Variants in SRSF11 observed in about 807,000 individuals in gnomAD.
SRSF11 encodes serine/arginine-rich splicing factor 11.
SRSF11 carries 9 observed loss-of-function variants against 56.0 expected under a neutral mutation model. The observed-to-expected ratio is 0.16, with a 90% CI of 0.10 to 0.28. The LOEUF is 0.28. Ranked by LOEUF, SRSF11 falls within the 10% of genes least tolerant of loss-of-function variation. The pLI, the probability that SRSF11 is intolerant of heterozygous loss-of-function variation, is 1.00. For missense variants in SRSF11, 421 were observed against 600.7 expected, an observed-to-expected ratio of 0.70 and a Z score of 3.13; for synonymous variants, 222 against 215.3, an observed-to-expected ratio of 1.03 and a Z score of -0.27.
chr1:70,239,191 A>G (rs1674767110), intron 6 of SRSF11, among the ~76,000 whole-genome samples: 1 of 152,154 alleles, frequency 6.6e-6, no homozygotes, highest in African/African-American at 2.4e-5. Context: ...TCCAGGCTCA[A>G]GCAATCCTCC....
chr1:70,250,266 G>C, intron 10 of SRSF11, 99 bp from the exon 11 acceptor site: 2 of 1,535,768 alleles, frequency 1.3e-6, no homozygotes, highest in South Asian at 2.6e-5. Context: ...AGGTTTTGAA[G>C]TTGGATCTTT....
upstream of SRSF11, among the ~76,000 whole-genome samples, chr1:70,219,155 A>G (rs1670283231): frequency 6.6e-6 from 1 of 152,202 alleles, no homozygotes; most frequent in Non-Finnish European, 1.5e-5. Flanking sequence ...ATATTCCAAA[A>G]TCTTTTTTAA....
intron 8 of SRSF11, among the ~76,000 whole-genome samples, chr1:70,245,676 A>C (rs533405818): frequency 3.9e-5 from 6 of 152,196 alleles, no homozygotes; most frequent in Non-Finnish European, 5.9e-5. Flanking sequence ...ACTCAACGGG[A>C]GGCATGCTTT....
At chr1:70,247,553 A>T (rs1347998582) in intron 9 of SRSF11, among the ~76,000 whole-genome samples, 1 of 152,108 alleles carries the variant, frequency 6.6e-6, no homozygotes, top group East Asian at 1.9e-4. Context: ...TATAAAAAAA[A>T]ATAACTGAAA....
chr1:70,229,574 TG>T, intron 2 of SRSF11: 1 of 984,940 alleles, frequency 1.0e-6, no homozygotes, highest in Non-Finnish European at 1.2e-6. Flanking sequence ...ATGATAAAAC[TG>T]CTGGATTTTA....
intron 3 of SRSF11, among the ~76,000 whole-genome samples, chr1:70,234,450 C>T (rs1406951446): frequency 6.6e-6 from 1 of 152,008 alleles, no homozygotes; most frequent in Non-Finnish European, 1.5e-5. Context: ...TCATATAGAG[C>T]AAGACTCCTA....
At chr1:70,227,353 T>C (rs1005380613) in intron 1 of SRSF11, among the ~76,000 whole-genome samples, 5 of 152,140 alleles carry the variant, frequency 3.3e-5, no homozygotes, top group African/African-American at 7.2e-5. Context: ...GTAAGTGTTA[T>C]ATTGATGTTA....
chr1:70,219,760 T>C (rs1670345930), upstream of SRSF11, among the ~76,000 whole-genome samples: 1 of 152,240 alleles, frequency 6.6e-6, no homozygotes, highest in Non-Finnish European at 1.5e-5. Flanking sequence ...GTAATTTTGC[T>C]GAGGCTCACA....
chr1:70,239,352 A>G lies in SRSF11; in HGVS notation c.719-87A>G, dbSNP rs138446832. On this transcript the variant is annotated intron_variant, in intron 6 of 11. Coordinates refer to ENST00000370949, the MANE Select transcript of SRSF11 (RefSeq NM_001350605.2). ...AGTGTTGCTCCCACTTCAGCCTCTC[A>G]TAGTGCTGTGATTACAGGCATGAGC... 3.4e-6 allele frequency: 3 copies of G among 885,368 alleles called. No individual in the cohort carries two copies. In the African/African-American group the frequency reaches 5.1e-5, roughly 15 times the overall value. 54.8% of individuals were successfully genotyped at this position (885,368 alleles called of 1,614,324 possible). A position where few individuals can be genotyped will look rare whatever the true frequency, so the allele number is the denominator to read the frequency against.
chr1:70,229,321 A>G (rs1672438952), intron 2 of SRSF11: 3 of 1,276,864 alleles, frequency 2.3e-6, no homozygotes, highest in Non-Finnish European at 3.1e-6. Flanking sequence ...AAGTGCCCCA[A>G]GTGTTTTCCT....
In SRSF11 at chr1:70,250,743, C is replaced by T. The variant is rs145044552; in HGVS notation, c.1393C>T (p.Leu465=). 2 of 1,614,008 alleles carry T rather than the reference C, an allele frequency of 1.2e-6. No individual in the cohort carries two copies. Among genetic ancestry groups the T allele is most frequent in the African/African-American group, 2.7e-5 (2 of 75,028 alleles). Residue 465 remains leucine (L), a synonymous_variant, in exon 12 of 12, where the codon CTA becomes TTA. Transcript: ENST00000370949. ...TGTGGAAAAGGGAACTGGTGATTCA[C>T]TAAGAGAATCCAAAGTGAATGGGGA... ...CSVEKGTGDS[L]RESKVNGDDH... is the part of the protein sequence containing the mutation.
intron 2 of SRSF11, chr1:70,231,628 C>A: frequency 8.5e-7 from 1 of 1,172,408 alleles, no homozygotes; most frequent in Non-Finnish European, 1.1e-6. Flanking sequence ...ATGCACACAT[C>A]CTGTGTGTAT....
intron 2 of SRSF11, chr1:70,231,599 CTCTT>C (rs1374980504): frequency 4.4e-6 from 5 of 1,132,004 alleles, no homozygotes; most frequent in Admixed American, 4.1e-5. Flanking sequence ...TTACCTATCT[CTCTT>C]TCTCTCTCAC....
At chr1:70,220,610 G>A (rs1275874884), upstream of SRSF11, among the ~76,000 whole-genome samples, 1 of 152,196 alleles carries the variant, frequency 6.6e-6, no homozygotes, top group Non-Finnish European at 1.5e-5. Context: ...AGAACTTTGG[G>A]AGGCCAAGGC....
chr1:70,210,574 G>A (rs1466958867), intron 1 of SRSF11, among the ~76,000 whole-genome samples: 1 of 152,188 alleles, frequency 6.6e-6, no homozygotes, highest in African/African-American at 2.4e-5. Flanking sequence ...TTACCTGGGT[G>A]TGGTGTGGCA....
intron 2 of SRSF11, chr1:70,230,580 G>A: frequency 5.4e-6 from 7 of 1,286,300 alleles, no homozygotes; most frequent in Non-Finnish European, 7.1e-6. Flanking sequence ...TATCAAAGCA[G>A]CAGTAAAAAA....
chr1:70,225,885 T>C (rs1021347847), intron 1 of SRSF11, among the ~76,000 whole-genome samples: 8 of 152,144 alleles, frequency 5.3e-5, no homozygotes, highest in African/African-American at 1.7e-4. Flanking sequence ...AGCACAAAAA[T>C]TAATTTCAGG....
At chr1:70,229,168 A>G (rs1672418454) in intron 2 of SRSF11, 1 of 1,282,056 alleles carries the variant, frequency 7.8e-7, no homozygotes. Flanking sequence ...TCTCTAAATA[A>G]TAAATTCTTC....
In SRSF11 at chr1:70,250,938, T is replaced by C; in HGVS notation, c.*133T>C. The C allele has an allele frequency of 1.4e-6, 1 of 738,268 alleles. No individual in the cohort carries two copies. The highest frequency in any genetic ancestry group is 2.2e-6 in the Non-Finnish European group (1 of 457,496). The allele number at this position is 738,268 out of a possible 1,614,324, so 45.7% of individuals were successfully genotyped here. ...GAGTTATAAATGGTTATAAAGCTCC[T>C]GTTACTCATATTAGTTATTTACATC... On this transcript the variant is annotated 3_prime_UTR_variant, in exon 12 of 12. Transcript: ENST00000370949.
Sources: allele counts gnomAD v4.1 joint callset (sites outside exome capture counted in the v4.1 genomes callset), GRCh38; gene constraint gnomAD v4.1.1; transcripts MANE v1.5; gene names NCBI Gene and HGNC (gene_info 2026-07-23, HGNC 2026-07-21).